Variants in SND1 observed in about 807,000 individuals in gnomAD.
SND1 encodes the protein staphylococcal nuclease and tudor domain containing 1, also known as staphylococcal nuclease domain-containing protein 1.
In SND1, 38 loss-of-function variants were observed where a neutral mutation model predicts 121.7. The ratio of observed to expected loss-of-function variants is 0.31; its 90% CI spans 0.24 to 0.41. SND1 has a LOEUF of 0.41. Among genes scored for constraint, SND1 ranks in the 10% least tolerant of loss-of-function variants. The pLI, the probability that SND1 is intolerant of heterozygous loss-of-function variation, is 1.00. For missense variants in SND1, 868 were observed against 1,184.6 expected (o/e 0.73, Z 3.92); for synonymous variants, 401 against 447.4 (o/e 0.90, Z 1.31).
intron 8 of SND1, among the ~76,000 whole-genome samples, chr7:127,707,186 A>G (rs991171869): frequency 1.8e-4 from 27 of 152,160 alleles, no homozygotes; most frequent in African/African-American, 6.5e-4. Context: ...TGTAATTCAG[A>G]TAGAAATTGA....
intron 2 of SND1, among the ~76,000 whole-genome samples, chr7:127,694,379 T>A (rs752932970): frequency 2.0e-5 from 3 of 152,174 alleles, no homozygotes; most frequent in Non-Finnish European, 4.4e-5. Context: ...TGGTAGTTGT[T>A]ATTTATGACT....
chr7:127,947,482 AATATC>A (rs1563067078), intron 15 of SND1, among the ~76,000 whole-genome samples: 2 of 152,214 alleles, frequency 1.3e-5, no homozygotes, highest in Admixed American at 1.3e-4. Flanking sequence ...GCACTATGAG[AATATC>A]AGTGTTTTCG....
At chr7:127,829,056 A>T (rs1798693708) in intron 11 of SND1, among the ~76,000 whole-genome samples, 1 of 152,198 alleles carries the variant, frequency 6.6e-6, no homozygotes. Flanking sequence ...GTTGCTGTGT[A>T]TACTAGCGAT....
At chr7:127,937,087 A>C (rs575462967) in intron 15 of SND1, among the ~76,000 whole-genome samples, 1 of 152,328 alleles carries the variant, frequency 6.6e-6, no homozygotes, top group South Asian at 2.1e-4. Flanking sequence ...ATTTCAGTGC[A>C]AAGTGATCTA....
chr7:127,810,288 A>G (rs1199794239), intron 11 of SND1, among the ~76,000 whole-genome samples: 1 of 152,162 alleles, frequency 6.6e-6, no homozygotes, highest in African/African-American at 2.4e-5. Flanking sequence ...GAAGATGAGT[A>G]TGTGCTGGTG....
intron 1 of SND1, among the ~76,000 whole-genome samples, chr7:127,682,977 C>T (rs912327936): frequency 1.3e-5 from 2 of 152,140 alleles, no homozygotes; most frequent in African/African-American, 4.8e-5. Flanking sequence ...AATTGTTGAG[C>T]ATATAGACCC....
At chr7:127,753,059 G>T (rs1454601653) in intron 10 of SND1, among the ~76,000 whole-genome samples, 1 of 152,114 alleles carries the variant, frequency 6.6e-6, no homozygotes, top group Non-Finnish European at 1.5e-5. Context: ...AGATAAACAT[G>T]GTATTGGCCC....
chr7:127,714,420 C>T (rs990771909), intron 9 of SND1, among the ~76,000 whole-genome samples: 20 of 152,146 alleles, frequency 1.3e-4, no homozygotes, highest in Non-Finnish European at 2.5e-4. Context: ...TGCTTCCAGT[C>T]ATAGCTCTAG....
chr7:128,088,404 T>A (rs1464545306), intron 21 of SND1, among the ~76,000 whole-genome samples: 2 of 149,844 alleles, frequency 1.3e-5, no homozygotes, highest in East Asian at 3.9e-4. Flanking sequence ...AAGGTTGCAG[T>A]GAGATGATGA....
intron 16 of SND1, among the ~76,000 whole-genome samples, chr7:128,040,403 A>G (rs563259629): frequency 1.0e-3 from 141 of 141,070 alleles, no homozygotes; most frequent in African/African-American, 3.4e-3. Flanking sequence ...ACTCACTCCA[A>G]CTCTGGTCAT....
At chr7:128,067,646 C>CT (rs2117042087) in intron 16 of SND1, among the ~76,000 whole-genome samples, 1 of 152,292 alleles carries the variant, frequency 6.6e-6, no homozygotes, top group African/African-American at 2.4e-5. Context: ...TTCAGGCAAC[C>CT]TACAGCCTCG....
intron 16 of SND1, among the ~76,000 whole-genome samples, chr7:128,050,240 A>G (rs1490077895): frequency 6.6e-6 from 1 of 152,188 alleles, no homozygotes; most frequent in South Asian, 2.1e-4. Context: ...CTATGGAGGC[A>G]TTTGCAAAAG....
intron 15 of SND1, among the ~76,000 whole-genome samples, chr7:127,972,389 G>A (rs1271423936): frequency 6.6e-6 from 1 of 152,104 alleles, no homozygotes; most frequent in Non-Finnish European, 1.5e-5. Flanking sequence ...AGCCTCCCAA[G>A]TAGCTGGGAC....
intron 16 of SND1, chr7:128,030,272 G>A (rs147967619): frequency 5.6e-6 from 9 of 1,614,058 alleles, no homozygotes; most frequent in Non-Finnish European, 6.8e-6. Flanking sequence ...TGTTGAGGCT[G>A]GCCAGGCCGT....
intron 10 of SND1, 117 bp from the exon 11 acceptor site, chr7:127,807,367 T>G: frequency 1.4e-6 from 1 of 739,120 alleles, no homozygotes; most frequent in Non-Finnish European, 2.3e-6. Context: ...CTTAACACAT[T>G]TAATATTTGC....
intron 16 of SND1, among the ~76,000 whole-genome samples, chr7:128,014,933 G>A (rs1339235011): frequency 1.3e-5 from 2 of 152,234 alleles, no homozygotes; most frequent in Non-Finnish European, 2.9e-5. Context: ...GACACCAGTT[G>A]AAATCCCAGA....
intron 16 of SND1, chr7:128,030,281 G>A (rs749706293): frequency 6.2e-6 from 10 of 1,614,034 alleles, no homozygotes; most frequent in South Asian, 3.3e-5. Flanking sequence ...TGGCCAGGCC[G>A]TTGAAGGCCC....
chr7:127,908,663 T>A (rs1563054851), intron 14 of SND1, among the ~76,000 whole-genome samples: 1 of 152,142 alleles, frequency 6.6e-6, no homozygotes, highest in Non-Finnish European at 1.5e-5. Context: ...GGTGACTGAC[T>A]TCATACATAC....
intron 16 of SND1, among the ~76,000 whole-genome samples, chr7:127,995,835 C>T (rs182048862): frequency 6.6e-6 from 1 of 152,306 alleles, no homozygotes; most frequent in African/African-American, 2.4e-5. Context: ...TTCACAGTTC[C>T]AGGCTGTAGG....
Sources: gnomAD v4.1 joint callset for allele counts (sites outside exome capture counted in the v4.1 genomes callset) on GRCh38, gnomAD v4.1.1 for gene constraint, MANE v1.5 for transcripts, NCBI Gene and HGNC (gene_info 2026-07-23, HGNC 2026-07-21) for gene names.